The following NLGN1 variants were observed in gnomAD, a reference collection of about 807,000 sequenced individuals.
The protein encoded by NLGN1 is neuroligin 1.
In NLGN1, 12 loss-of-function variants were observed where a neutral mutation model predicts 65.5. That is an observed-to-expected ratio of 0.18 (90% CI 0.12 to 0.30). NLGN1 has a LOEUF of 0.30. Ranked by LOEUF, NLGN1 falls within the 10% of genes least tolerant of loss-of-function variation. The pLI, the probability that NLGN1 is intolerant of heterozygous loss-of-function variation, is 1.00. For missense variants in NLGN1, 750 were observed against 1,007.1 expected, an observed-to-expected ratio of 0.74 and a Z score of 3.46; for synonymous variants, 350 against 359.5, an observed-to-expected ratio of 0.97 and a Z score of 0.30.
At chr3:173,520,187 CTA>C (rs1040357697) in intron 2 of NLGN1, among the ~76,000 whole-genome samples, 9 of 152,192 alleles carry the variant, frequency 5.9e-5, no homozygotes, top group Non-Finnish European at 8.8e-5. Flanking sequence ...GCTATGCTTC[CTA>C]TACAGCCTGC....
chr3:173,918,119 CTTAT>C (rs1560627052), intron 4 of NLGN1, among the ~76,000 whole-genome samples: 2 of 152,046 alleles, frequency 1.3e-5, no homozygotes, highest in Non-Finnish European at 2.9e-5. Context: ...AGTACTTGTT[CTTAT>C]TATTTATTAA....
chr3:173,566,363 T>C (rs139070832), intron 2 of NLGN1, among the ~76,000 whole-genome samples: 307 of 152,304 alleles, frequency 2.0e-3, no homozygotes, highest in African/African-American at 7.2e-3. Flanking sequence ...AATTGGTTAA[T>C]TGTATGGGCT....
intron 2 of NLGN1, among the ~76,000 whole-genome samples, chr3:173,505,485 A>G (rs1731875909): frequency 6.6e-6 from 1 of 152,076 alleles, no homozygotes; most frequent in African/African-American, 2.4e-5. Flanking sequence ...GCCCTTTAGA[A>G]TTTAATATCT....
chr3:173,538,698 C>T (rs1174553062), intron 2 of NLGN1, among the ~76,000 whole-genome samples: 1 of 152,144 alleles, frequency 6.6e-6, no homozygotes, highest in African/African-American at 2.4e-5. Flanking sequence ...GCCAGTTGGC[C>T]TTTGTGAGTA....
intron 2 of NLGN1, among the ~76,000 whole-genome samples, chr3:173,512,868 GAGCTTGATGTATGGGTAAA>G (rs1733208764): frequency 6.6e-6 from 1 of 152,180 alleles, no homozygotes; most frequent in Non-Finnish European, 1.5e-5. Context: ...GTTGAAAGAT[GAGCTTGATGTATGGGTAAA>G]AGAAATTTCA....
chr3:173,713,030 T>C (rs1769244252), intron 3 of NLGN1, among the ~76,000 whole-genome samples: 1 of 152,118 alleles, frequency 6.6e-6, no homozygotes, highest in African/African-American at 2.4e-5. Flanking sequence ...TAAGAGATTA[T>C]ATTCATCAAG....
Position 173,717,500 on chromosome 3 carries a change from A to G in NLGN1, c.494-90180A>G, listed in dbSNP as rs373723946. On this transcript the variant is annotated intron_variant, in intron 3 of 6. Transcript: ENST00000457714. ...AGTCAAACTGTTTTAGCCATGATCC[A>G]TGGCTAATAACCTATGTTACCTGTG... Among the ~76,000 whole-genome samples the G allele has an allele frequency of 7.2e-5, 11 of 152,282 alleles. No individual in the cohort carries two copies. The East Asian group carries it at 7.7e-4, about 11-fold the overall frequency.
chr3:173,906,606 CAG>C (rs1346941369), intron 4 of NLGN1, among the ~76,000 whole-genome samples: 1 of 152,038 alleles, frequency 6.6e-6, no homozygotes, highest in Non-Finnish European at 1.5e-5. Flanking sequence ...GGAGGCAAAA[CAG>C]TGGGTGATTC....
At chr3:173,511,946 A>G (rs1324075373) in intron 2 of NLGN1, among the ~76,000 whole-genome samples, 3 of 152,146 alleles carry the variant, frequency 2.0e-5, no homozygotes, top group South Asian at 4.1e-4. Context: ...ACCCCTTCCT[A>G]AGATTCATGA....
intron 4 of NLGN1, among the ~76,000 whole-genome samples, chr3:174,153,996 G>C (rs1211638939): frequency 1.3e-5 from 2 of 152,032 alleles, no homozygotes; most frequent in Non-Finnish European, 2.9e-5. Flanking sequence ...ATTCACAAAA[G>C]AGTGAACCAC....
chr3:173,448,213 C>T (rs1225602162), intron 2 of NLGN1, among the ~76,000 whole-genome samples: 2 of 152,024 alleles, frequency 1.3e-5, no homozygotes, highest in Non-Finnish European at 2.9e-5. Context: ...ATAGATAGCT[C>T]TTATTATTTT....
chr3:174,010,701 A>G (rs1725363412), intron 4 of NLGN1, among the ~76,000 whole-genome samples: 1 of 152,182 alleles, frequency 6.6e-6, no homozygotes, highest in African/African-American at 2.4e-5. Context: ...TTGGTGAATT[A>G]AAGTTGGGCT....
intron 4 of NLGN1, among the ~76,000 whole-genome samples, chr3:174,158,719 G>A (rs1183023685): frequency 6.6e-6 from 1 of 151,666 alleles, no homozygotes; most frequent in Non-Finnish European, 1.5e-5. Context: ...TAGAGAGTGA[G>A]GGGCTGGAGG....
intron 4 of NLGN1, among the ~76,000 whole-genome samples, chr3:173,859,247 C>A (rs1013507423): frequency 6.6e-6 from 1 of 152,042 alleles, no homozygotes. Context: ...CTTTTAATAA[C>A]TAACTATGAA....
chr3:173,597,127 A>G (rs1472679653), intron 2 of NLGN1, among the ~76,000 whole-genome samples: 1 of 152,192 alleles, frequency 6.6e-6, no homozygotes, highest in Non-Finnish European at 1.5e-5. Flanking sequence ...CACTCTCCTC[A>G]GTTCCTCAAC....
At chr3:173,681,174 G>C (rs1317419854) in intron 3 of NLGN1, among the ~76,000 whole-genome samples, 1 of 152,176 alleles carries the variant, frequency 6.6e-6, no homozygotes, top group Admixed American at 6.5e-5. Flanking sequence ...AGTGAGATAA[G>C]ATAAGCAGAA....
At chr3:174,101,205 G>T (rs1712372764) in intron 4 of NLGN1, among the ~76,000 whole-genome samples, 1 of 152,102 alleles carries the variant, frequency 6.6e-6, no homozygotes, top group African/African-American at 2.4e-5. Flanking sequence ...GTACATTTTA[G>T]GTTCTGTTAA....
chr3:173,407,747 A>G (rs1317536923), intron 1 of NLGN1, among the ~76,000 whole-genome samples: 1 of 152,318 alleles, frequency 6.6e-6, no homozygotes, highest in South Asian at 2.1e-4. Context: ...GTAAACACAC[A>G]CATACAACAC....
chr3:173,948,049 A>G (rs746776775), intron 4 of NLGN1, among the ~76,000 whole-genome samples: 23 of 152,188 alleles, frequency 1.5e-4, no homozygotes, highest in Non-Finnish European at 3.1e-4. Flanking sequence ...TCTGTTTTCT[A>G]AAGTTAGCAT....
Sources: allele counts gnomAD v4.1 joint callset (sites outside exome capture counted in the v4.1 genomes callset), GRCh38; gene constraint gnomAD v4.1.1; transcripts MANE v1.5; gene names NCBI Gene and HGNC (gene_info 2026-07-23, HGNC 2026-07-21).